The following GCLC variants were observed in gnomAD, a reference collection of about 807,000 sequenced individuals.
GCLC encodes glutamate-cysteine ligase catalytic subunit.
Under a neutral mutation model 81.5 loss-of-function variants are expected in GCLC, and 30 were observed. The observed-to-expected ratio is 0.37, with a 90% CI of 0.28 to 0.50. GCLC has a LOEUF of 0.50. GCLC is among the 20% of genes least tolerant of loss of function. The pLI is 0.96. For synonymous variants in GCLC, 262 were observed against 273.3 expected (o/e 0.96, Z 0.41); for missense variants, 556 against 777.4 (o/e 0.72, Z 3.39).
intron 3 of GCLC, 41 bp downstream of exon 3, chr6:53,520,735 ATC>A (rs763501051): frequency 6.6e-7 from 1 of 1,521,908 alleles, no homozygotes; most frequent in Non-Finnish European, 9.1e-7. Context: ...CATTACCTGT[ATC>A]TCTGAGAGAT....
Position 53,514,342 on chromosome 6 carries a change from A to T in GCLC, c.620-5T>A, listed in dbSNP as rs553592417. On this transcript the variant is annotated splice_polypyrimidine_tract_variant and splice_region_variant and intron_variant, in intron 5 of 15. Transcript: ENST00000650454. ...GTGTATTCTTGTCCTTAAATACTGT[A>T]TTATAAAAATACAAAAATAAAAATG... 87 of 1,588,496 alleles carry T rather than the reference A, an allele frequency of 5.5e-5. No individual in the cohort carries two copies. In the South Asian group the frequency reaches 9.4e-4, roughly 17 times the overall value.
intron 1 of GCLC, among the ~76,000 whole-genome samples, chr6:53,530,776 G>A (rs80265529): frequency 0.033 from 5,059 of 152,256 alleles, 103 homozygotes; most frequent in Middle Eastern, 0.055. Context: ...ATGCTTAAGC[G>A]TGGATCTGTG....
Position 53,544,653 on chromosome 6 carries a change from CCCTCCTCCT to C in GCLC, c.-17_-9del, listed in dbSNP as rs3830798. 2,085 of 1,551,044 alleles carry C rather than the reference CCCTCCTCCT, an allele frequency of 1.3e-3. 19 individuals are homozygous for C. The African/African-American group carries it at 0.025, about 19-fold the overall frequency. ...CTGGGACAGCAGCCCCATGGCCGCC[CCCTCCTCCT>C]CCTCCTCCTCCTCCGGGCTGACGGC... On this transcript the variant is annotated 5_prime_UTR_variant, in exon 1 of 16. Transcript: ENST00000650454.
At position 53,500,178 on chromosome 6, in the gene GCLC, G is replaced by A; in HGVS notation, c.1582-13C>T. On this transcript the variant is annotated splice_polypyrimidine_tract_variant and intron_variant, in intron 14 of 15. Transcript: ENST00000650454. Reference sequence around the variant, plus strand: ...GAAACACACCTTCCTACAAGAAGCAGGACACTTTATGAACTCCCTGCCGGG... The same window carrying A: ...GAAACACACCTTCCTACAAGAAGCAAGACACTTTATGAACTCCCTGCCGGG... 6.2e-7 allele frequency: 1 copy of A among 1,614,052 alleles called. No individual in the cohort carries two copies.
intron 1 of GCLC, among the ~76,000 whole-genome samples, chr6:53,532,986 C>T (rs79224927): frequency 0.023 from 3,534 of 152,296 alleles, 116 homozygotes; most frequent in African/African-American, 0.079. Context: ...ACATACCAAT[C>T]TAAATAACCA....
At chr6:53,537,689 C>G (rs1461238398) in intron 1 of GCLC, among the ~76,000 whole-genome samples, 1 of 151,556 alleles carries the variant, frequency 6.6e-6, no homozygotes, top group Admixed American at 6.6e-5. Context: ...TAAAAAATTA[C>G]TGTTAATGGA....
intron 1 of GCLC, among the ~76,000 whole-genome samples, chr6:53,543,983 G>C (rs1187518598): frequency 1.3e-5 from 2 of 152,188 alleles, no homozygotes; most frequent in African/African-American, 4.8e-5. Context: ...GTGTTTTGGA[G>C]GGGAGGGAAG....
At chr6:53,536,283 C>T (rs1050282942) in intron 1 of GCLC, among the ~76,000 whole-genome samples, 3 of 152,062 alleles carry the variant, frequency 2.0e-5, no homozygotes, top group African/African-American at 4.8e-5. Context: ...CTACAGAAAG[C>T]AAATCAGCTG....
Position 53,514,311 on chromosome 6 carries a change from G to C in GCLC, c.646C>G (p.Pro216Ala), listed in dbSNP as rs369815397. 85 of 1,595,068 alleles carry C rather than the reference G, an allele frequency of 5.3e-5. No homozygotes were observed. The highest frequency in any genetic ancestry group is 1.3e-5 in the African/African-American group (1 of 74,540). Residue 216 changes from proline (P) to alanine (A), a missense_variant, in exon 6 of 16, where the codon CCA becomes GCA. By Grantham distance (27) the Pro-to-Ala change is conservative. Coordinates refer to ENST00000650454, the MANE Select transcript of GCLC (RefSeq NM_001498.4). Reference sequence around the variant, plus strand: ...TCCTCAGTAAATGTTTCTATAAATGGAGATGGTGTATTCTTGTCCTTAAAT... The same window carrying C: ...TCCTCAGTAAATGTTTCTATAAATGCAGATGGTGTATTCTTGTCCTTAAAT... ...PIFKDKNTPS[P>A]FIETFTEDDE...
intron 3 of GCLC, among the ~76,000 whole-genome samples, chr6:53,517,297 A>C (rs1378369533): frequency 7.9e-6 from 1 of 126,812 alleles, no homozygotes; most frequent in East Asian, 2.3e-4. Flanking sequence ...AGGTCTCACT[A>C]TGCTACCCAG....
At chr6:53,507,402 G>A (rs1431293228) in intron 9 of GCLC, 78 bp downstream of exon 9, 75 of 1,438,298 alleles carry the variant, frequency 5.2e-5, no homozygotes, top group Non-Finnish European at 6.8e-5. Context: ...CAGACCAGGA[G>A]TCAGCAAAAA....
At position 53,544,994 on chromosome 6, in the gene GCLC, C is replaced by T. The variant is rs1483306401; in HGVS notation, c.-349G>A. 5.4e-6 allele frequency: 1 copy of T among 183,900 alleles called. No individual in the cohort carries two copies. Among genetic ancestry groups the T allele is most frequent in the Non-Finnish European group, 1.1e-5 (1 of 89,462 alleles). 11.4% of individuals were successfully genotyped at this position (183,900 alleles called of 1,614,324 possible). ...CCACGGCCGCGCTGCCGCGGCGGCT[C>T]CCGCTTCTCTTTGCCGGTCTGGTGC... On this transcript the variant is annotated 5_prime_UTR_variant, in exon 1 of 16. Transcript: ENST00000650454.
chr6:53,517,472 G>C (rs1414192873), intron 3 of GCLC, among the ~76,000 whole-genome samples: 1 of 151,920 alleles, frequency 6.6e-6, no homozygotes, highest in African/African-American at 2.4e-5. Context: ...AATCCACCTT[G>C]TAAACAATTG....
At chr6:53,518,750 A>T (rs1581738584) in intron 3 of GCLC, among the ~76,000 whole-genome samples, 2 of 152,208 alleles carry the variant, frequency 1.3e-5, no homozygotes, top group African/African-American at 4.8e-5. Context: ...TTAATTTGCT[A>T]AGTGAAATGT....
At chr6:53,513,143 A>G (rs1764788140) in intron 6 of GCLC, 1 of 152,254 alleles carries the variant, frequency 6.6e-6, no homozygotes, top group South Asian at 2.1e-4. Context: ...AATTTGGATT[A>G]TACTTAGTTT....
In GCLC at chr6:53,516,134, C is replaced by T. The variant is rs780951456; in HGVS notation, c.535G>A (p.Ala179Thr). ...ASKSLFFPDE[A>T]INKHPRFSTL... Reference sequence around the variant, plus strand: ...CTGAAGCGAGGGTGCTTGTTTATTGCTTCATCTGGAAAGAAGAGGGACTTG... The same window carrying T: ...CTGAAGCGAGGGTGCTTGTTTATTGTTTCATCTGGAAAGAAGAGGGACTTG... The change falls in exon 4 of 16, where the codon GCA becomes ACA. Residue 179 changes from alanine to threonine, a missense_variant. By Grantham distance (58) the Ala-to-Thr change is moderately conservative. This residue lies in a region of GCLC where 234 missense variants were observed against 303.8 expected (regional missense o/e 0.77). Transcript: ENST00000650454. 4.3e-6 allele frequency: 7 copies of T among 1,612,500 alleles called. No individual in the cohort carries two copies. The highest frequency in any genetic ancestry group is 1.1e-5 in the South Asian group (1 of 91,072).
At chr6:53,521,693 G>A (rs183585195) in intron 2 of GCLC, among the ~76,000 whole-genome samples, 110 of 152,218 alleles carry the variant, frequency 7.2e-4, no homozygotes, top group African/African-American at 2.6e-3. Flanking sequence ...AACACACCAG[G>A]CCGGGTGCGG....
At chr6:53,522,091 T>C (rs967814611) in intron 2 of GCLC, among the ~76,000 whole-genome samples, 4 of 152,230 alleles carry the variant, frequency 2.6e-5, no homozygotes, top group Non-Finnish European at 4.4e-5. Flanking sequence ...CCCAAAAATG[T>C]TTTAATAAAA....
At chr6:53,505,538 C>T (rs1205482680) in intron 11 of GCLC, 42 bp from the exon 12 acceptor site, 1 of 1,002,638 alleles carries the variant, frequency 1.0e-6, no homozygotes, top group Non-Finnish European at 1.6e-6. Flanking sequence ...ACCAACTACA[C>T]AAACATGCTC....
Sources: gnomAD v4.1 joint callset for allele counts (sites outside exome capture counted in the v4.1 genomes callset) on GRCh38, gnomAD v4.1.1 for gene constraint, gnomAD v4.1.1 regional missense constraint, MANE v1.5 for transcripts, NCBI Gene and HGNC (gene_info 2026-07-23, HGNC 2026-07-21) for gene names.